Variants in NAA11 observed in about 807,000 individuals in gnomAD.
The protein encoded by NAA11 is N-alpha-acetyltransferase 11, NatA catalytic subunit.
A neutral mutation model predicts 16.1 loss-of-function variants in NAA11; 15 were observed. That is an observed-to-expected ratio of 0.93 (90% confidence interval 0.62 to 1.44). The LOEUF (loss-of-function observed/expected upper bound fraction) is 1.44, where lower values mean the gene tolerates loss of function less well. Among genes scored for constraint, NAA11 ranks in the 40% most tolerant of loss-of-function variants. The pLI, the probability that NAA11 is intolerant of heterozygous loss-of-function variation, is 0.00. For missense variants in NAA11, 298 were observed against 291.3 expected, an observed-to-expected ratio of 1.02 and a Z score of -0.17; for synonymous variants, 122 against 112.4, an observed-to-expected ratio of 1.09 and a Z score of -0.54.
chr4:79,206,043 T>C, the NAA11 span, among the ~76,000 whole-genome samples: 1 of 152,120 alleles, frequency 6.6e-6, no homozygotes, highest in Non-Finnish European at 1.5e-5. Context: ...TAAAGTAATG[T>C]GATGCCTCTT....
At chr4:79,215,234 T>C in the NAA11 span, among the ~76,000 whole-genome samples, 1 of 152,214 alleles carries the variant, frequency 6.6e-6, no homozygotes, top group Non-Finnish European at 1.5e-5. Flanking sequence ...ATGCCTTGTA[T>C]TACAGATCTA....
intron 2 of NAA11, among the ~76,000 whole-genome samples, chr4:79,270,172 G>T (rs1722460588): frequency 6.6e-6 from 1 of 150,988 alleles, no homozygotes; most frequent in Non-Finnish European, 1.5e-5. Context: ...GCTTAGGATT[G>T]ACTTGGCGAT....
the NAA11 span, among the ~76,000 whole-genome samples, chr4:79,212,497 G>A: frequency 6.6e-6 from 1 of 151,780 alleles, no homozygotes; most frequent in African/African-American, 2.4e-5. Flanking sequence ...GCAAAACCTT[G>A]CAAAGGTTTT....
intron 1 of NAA11, among the ~76,000 whole-genome samples, chr4:79,321,642 C>G (rs1212658990): frequency 3.3e-5 from 5 of 152,098 alleles, no homozygotes. Flanking sequence ...GGAATCAATG[C>G]ACAGTAGTAT....
Position 79,325,800 on chromosome 4 carries a change from G to A in NAA11, c.78C>T (p.Tyr26=). Residue 26 remains tyrosine (Y), a synonymous_variant, in exon 1 of 2, where the codon TAC becomes TAT. Transcript: ENST00000286794. ...HCNLLCLPEN[Y]QMKYYLYHGL... ...CATGATATAAATAGTATTTCATCTG[G>A]TAGTTCTCAGGAAGGCAAAGGAGGT... 6.2e-7 allele frequency: 1 copy of A among 1,614,162 alleles called. No homozygotes were observed. The highest frequency in any genetic ancestry group is 8.5e-7 in the Non-Finnish European group (1 of 1,180,018).
intron 1 of NAA11, among the ~76,000 whole-genome samples, chr4:79,298,833 C>T (rs911405445): frequency 6.6e-6 from 1 of 152,236 alleles, no homozygotes; most frequent in South Asian, 2.1e-4. Flanking sequence ...GGTTTCCAGC[C>T]AGGAAATGGA....
the NAA11 span, among the ~76,000 whole-genome samples, chr4:79,159,607 A>G: frequency 3.9e-5 from 6 of 152,202 alleles, no homozygotes; most frequent in Non-Finnish European, 4.4e-5. Flanking sequence ...ATACTATACT[A>G]TTAGGTTGGT....
chr4:79,229,058 G>A (rs1185634280), intron 2 of NAA11, among the ~76,000 whole-genome samples: 1 of 151,626 alleles, frequency 6.6e-6, no homozygotes, highest in South Asian at 2.1e-4. Flanking sequence ...TAGTGCAGAA[G>A]TTTTTTTTAC....
intron 1 of NAA11, among the ~76,000 whole-genome samples, chr4:79,309,503 A>T (rs1326205505): frequency 6.6e-6 from 1 of 151,988 alleles, no homozygotes; most frequent in African/African-American, 2.4e-5. Flanking sequence ...TGATTAAGAG[A>T]TTTGATGTGT....
At chr4:79,169,786 A>G in the NAA11 span, among the ~76,000 whole-genome samples, 1 of 152,184 alleles carries the variant, frequency 6.6e-6, no homozygotes, top group Non-Finnish European at 1.5e-5. Flanking sequence ...TCATGAAAAC[A>G]ACACCAAGGG....
chr4:79,293,266 G>T (rs1278171941), intron 2 of NAA11, among the ~76,000 whole-genome samples: 1 of 152,118 alleles, frequency 6.6e-6, no homozygotes, highest in Non-Finnish European at 1.5e-5. Flanking sequence ...GGTTACCTTA[G>T]TGTTTAAAAA....
chr4:79,171,781 A>G, the NAA11 span, among the ~76,000 whole-genome samples: 2 of 152,160 alleles, frequency 1.3e-5, no homozygotes, highest in Non-Finnish European at 1.5e-5. Context: ...TCCTTGTTCT[A>G]TGACACATAT....
At chr4:79,224,014 T>C (rs1340075815), downstream of NAA11, among the ~76,000 whole-genome samples, 1 of 152,162 alleles carries the variant, frequency 6.6e-6, no homozygotes, top group African/African-American at 2.4e-5. Context: ...TATTTTCTTA[T>C]GTAAAAATAA....
At chr4:79,208,925 CAAA>C in the NAA11 span, among the ~76,000 whole-genome samples, 10 of 53,982 alleles carry the variant, frequency 1.9e-4, no homozygotes, top group East Asian at 7.8e-4. Flanking sequence ...ATATAACTGC[CAAA>C]AAAAAAAAAA....
intron 1 of NAA11, among the ~76,000 whole-genome samples, chr4:79,321,658 A>G (rs534738219): frequency 3.3e-5 from 5 of 152,324 alleles, no homozygotes; most frequent in Admixed American, 6.5e-5. Flanking sequence ...AGTATTAGCA[A>G]TACTTGAGAC....
intron 1 of NAA11, among the ~76,000 whole-genome samples, chr4:79,301,727 C>T (rs1016671395): frequency 2.6e-5 from 4 of 152,122 alleles, no homozygotes; most frequent in East Asian, 1.9e-4. Flanking sequence ...TCTAGCTATA[C>T]GAGGGACCAA....
At chr4:79,182,834 A>T in the NAA11 span, among the ~76,000 whole-genome samples, 1 of 152,120 alleles carries the variant, frequency 6.6e-6, no homozygotes, top group African/African-American at 2.4e-5. Flanking sequence ...CTGCTATCCT[A>T]TACTATAATC....
rs897345588 is a variant in NAA11 at position 79,325,304 on chromosome 4, AG to A, written c.573del (p.Cys192ValfsTer56). 1.9e-6 allele frequency: 3 copies of A among 1,613,736 alleles called. No homozygotes were observed. Among genetic ancestry groups the A allele is most frequent in the African/African-American group, 2.7e-5 (2 of 74,888 alleles). On this transcript the variant is annotated frameshift_variant, in exon 1 of 2. Transcript: ENST00000286794. LOFTEE classifies it high-confidence loss of function. ...TCGGTAGCCGGGTTCTTTTGCTGAC[AG>A]GCCTCTTCAGAATCAGAAAGTGTGC... ...QGSTLSDSEEACQQKNPATEE... is the reference protein window; with the variant it reads ...QGSTLSDSEEXCQQKNPATEE...
intron 2 of NAA11, among the ~76,000 whole-genome samples, chr4:79,293,777 G>A (rs1379224390): frequency 2.0e-5 from 3 of 152,144 alleles, no homozygotes; most frequent in Non-Finnish European, 4.4e-5. Context: ...TTAAAAGTAT[G>A]GTATGGTTTA....
Sources: gnomAD v4.1 joint callset for allele counts (sites outside exome capture counted in the v4.1 genomes callset) on GRCh38, gnomAD v4.1.1 for gene constraint, MANE v1.5 for transcripts, NCBI Gene and HGNC (gene_info 2026-07-23, HGNC 2026-07-21) for gene names.